The following SEMA4D variants were observed in gnomAD, a reference collection of about 807,000 sequenced individuals.
SEMA4D encodes the protein semaphorin-4D.
SEMA4D carries 22 observed loss-of-function variants against 74.8 expected under a neutral mutation model. The observed-to-expected ratio is 0.29, with a 90% CI of 0.21 to 0.42. The LOEUF (loss-of-function observed/expected upper bound fraction) is 0.42, where lower values mean the gene tolerates loss of function less well. Ranked by LOEUF, SEMA4D falls within the 10% of genes least tolerant of loss-of-function variation. The probability of loss-of-function intolerance (pLI) is 1.00; values close to 1 mark genes in which losing one functional copy is unlikely to be tolerated. For synonymous variants in SEMA4D, 445 were observed against 463.7 expected, an observed-to-expected ratio of 0.96 and a Z score of 0.52; for missense variants, 937 against 1,118.4, an observed-to-expected ratio of 0.84 and a Z score of 2.31.
chr9:89,386,547 C>T (rs1838550786), intron 12 of SEMA4D, 65 bp from the exon 13 acceptor site: 1 of 1,009,688 alleles, frequency 9.9e-7, no homozygotes, highest in Non-Finnish European at 1.6e-6. Context: ...ACAGTGACCA[C>T]AGCGGCAAAC....
intron 2 of SEMA4D, among the ~76,000 whole-genome samples, chr9:89,416,102 C>T (rs1441591705): frequency 6.6e-6 from 1 of 152,086 alleles, no homozygotes; most frequent in Non-Finnish European, 1.5e-5. Flanking sequence ...AAATAAAATA[C>T]CCATTATTGT....
chr9:89,394,405 T>C (rs1840470448), intron 6 of SEMA4D, among the ~76,000 whole-genome samples: 1 of 151,912 alleles, frequency 6.6e-6, no homozygotes, highest in Non-Finnish European at 1.5e-5. Flanking sequence ...ATGTGAGAAG[T>C]GTGGACAAAC....
chr9:89,409,207 T>C (rs766949899), intron 2 of SEMA4D, among the ~76,000 whole-genome samples: 34 of 152,272 alleles, frequency 2.2e-4, no homozygotes, highest in Admixed American at 4.6e-4. Context: ...ATCCCAACTA[T>C]AGGACATTCT....
chr9:89,440,510 T>C (rs1331644505), intron 2 of SEMA4D, among the ~76,000 whole-genome samples: 1 of 134,836 alleles, frequency 7.4e-6, no homozygotes, highest in Non-Finnish European at 1.7e-5. Flanking sequence ...TACCCTCCGC[T>C]TGCCCTCCAC....
At position 89,476,056 on chromosome 9, in the gene SEMA4D, G is replaced by A. The variant is rs768661806; in HGVS notation, c.-309-20103C>T. On this transcript the variant is annotated intron_variant, in intron 1 of 15. Transcript: ENST00000422704. ...CAACCTTCCTAAGAAGCAGAAGGTCGGCTGAGGTGTGAGCGCAGCTTGCAC... is the reference window on the plus strand; with the variant it reads ...CAACCTTCCTAAGAAGCAGAAGGTCAGCTGAGGTGTGAGCGCAGCTTGCAC... 2.1e-4 allele frequency among the ~76,000 whole-genome samples: 32 copies of A among 152,170 alleles called. 1 individual carries two copies. Among genetic ancestry groups the A allele is most frequent in the African/African-American group, 4.8e-5 (2 of 41,434 alleles).
intron 1 of SEMA4D, among the ~76,000 whole-genome samples, chr9:89,488,207 T>G (rs1825339810): frequency 1.3e-5 from 2 of 152,158 alleles, no homozygotes; most frequent in South Asian, 4.1e-4. Context: ...GGTATCAACA[T>G]AATTCACTGG....
chr9:89,493,035 A>G (rs1825749187), intron 1 of SEMA4D, among the ~76,000 whole-genome samples: 1 of 152,218 alleles, frequency 6.6e-6, no homozygotes, highest in Admixed American at 6.5e-5. Flanking sequence ...CCGGCACCCC[A>G]GCCATGACTG....
chr9:89,442,332 G>T (rs545859520), intron 2 of SEMA4D, among the ~76,000 whole-genome samples: 4 of 152,308 alleles, frequency 2.6e-5, no homozygotes, highest in South Asian at 4.1e-4. Context: ...AGAAGAGGAG[G>T]GAGCTACCTG....
chr9:89,462,715 C>T (rs1473371877), intron 1 of SEMA4D, among the ~76,000 whole-genome samples: 5 of 151,674 alleles, frequency 3.3e-5, no homozygotes, highest in African/African-American at 7.3e-5. Context: ...GAGGCCAAGG[C>T]GGAAGGATCA....
At chr9:89,400,064 C>A (rs1841856981) in intron 4 of SEMA4D, among the ~76,000 whole-genome samples, 1 of 136,420 alleles carries the variant, frequency 7.3e-6, no homozygotes. Context: ...AAAAAAAAAG[C>A]CACAATATTC....
intron 1 of SEMA4D, among the ~76,000 whole-genome samples, chr9:89,482,433 G>A (rs1430027045): frequency 6.6e-6 from 1 of 152,184 alleles, no homozygotes; most frequent in Non-Finnish European, 1.5e-5. Context: ...GATCCTCAGG[G>A]AAGCCTCCCA....
chr9:89,479,877 C>G (rs1429313248), intron 1 of SEMA4D: 1 of 152,370 alleles, frequency 6.6e-6, no homozygotes. Context: ...GGAAGGGGAC[C>G]CGAGCGGGTT....
In SEMA4D at chr9:89,387,551, T is replaced by C; in HGVS notation, c.1165A>G (p.Lys389Glu). The C allele has an allele frequency of 6.2e-7, 1 of 1,614,238 alleles. No homozygotes were observed. The highest frequency in any genetic ancestry group is 8.5e-7 in the Non-Finnish European group (1 of 1,180,046). The change falls in exon 12 of 16, where the codon AAG becomes GAG. Residue 389 changes from lysine to glutamate, a missense_variant. By Grantham distance (56) the Lys-to-Glu change is moderately conservative. Transcript: ENST00000422704. ...TGGTCTTTAACGAACTGCAGCGTCT[T>C]GTCTGGCAAATTCAAGGAGCTGGTG... ...NYTSSLNLPD[K>E]TLQFVKDHPL...
At chr9:89,401,346 A>G (rs1261212389) in intron 4 of SEMA4D, among the ~76,000 whole-genome samples, 2 of 152,234 alleles carry the variant, frequency 1.3e-5, no homozygotes, top group African/African-American at 2.4e-5. Context: ...CGTGAGCCAC[A>G]GCACCCAGCC....
intron 13 of SEMA4D, among the ~76,000 whole-genome samples, chr9:89,384,369 T>C (rs1837921122): frequency 6.6e-6 from 1 of 152,206 alleles, no homozygotes; most frequent in Non-Finnish European, 1.5e-5. Flanking sequence ...TTGAGGACTT[T>C]ATGTTAAGTG....
chr9:89,439,051 C>T (rs1319124097), intron 2 of SEMA4D, among the ~76,000 whole-genome samples: 8 of 135,868 alleles, frequency 5.9e-5, no homozygotes, highest in South Asian at 2.5e-4. Flanking sequence ...GCTTGATCTC[C>T]GCTCACTGCA....
At chr9:89,413,183 G>T (rs1844905908) in intron 2 of SEMA4D, among the ~76,000 whole-genome samples, 1 of 152,186 alleles carries the variant, frequency 6.6e-6, no homozygotes, top group Non-Finnish European at 1.5e-5. Flanking sequence ...GAAAGACAGG[G>T]TTGTGAAATG....
chr9:89,436,811 G>A (rs771252752), intron 2 of SEMA4D, among the ~76,000 whole-genome samples: 2 of 152,238 alleles, frequency 1.3e-5, no homozygotes, highest in African/African-American at 4.8e-5. Context: ...CGCCTGGCGA[G>A]GGCAAGCTCC....
chr9:89,494,677 A>C (rs147616889), intron 1 of SEMA4D, among the ~76,000 whole-genome samples: 1,954 of 152,198 alleles, frequency 0.013, 34 homozygotes, highest in African/African-American at 0.044. Context: ...CATGATGGAG[A>C]ATTTTCAAAG....
Sources: gnomAD v4.1 joint callset for allele counts (sites outside exome capture counted in the v4.1 genomes callset) on GRCh38, gnomAD v4.1.1 for gene constraint, MANE v1.5 for transcripts, NCBI Gene and HGNC (gene_info 2026-07-23, HGNC 2026-07-21) for gene names.